The following GPR78 variants were observed in gnomAD, a reference collection of about 807,000 sequenced individuals.
GPR78 encodes the protein G protein-coupled receptor 78.
A neutral mutation model predicts 17.9 loss-of-function variants in GPR78; 29 were observed. The ratio of observed to expected loss-of-function variants is 1.62; its 90% CI spans 1.20 to 2.21. The LOEUF is 2.21. Among genes scored for constraint, GPR78 ranks in the 30% most tolerant of loss-of-function variants. GPR78 has a pLI of 0.00. For missense variants in GPR78, 649 were observed against 530.5 expected (o/e 1.22, Z -2.19); for synonymous variants, 349 against 256.9 (o/e 1.36, Z -3.43).
At position 8,582,513 on chromosome 4, in the gene GPR78, T is replaced by C; in HGVS notation, c.669-18T>C. ...CCCACCCTGCCATCATCCTGACCAC[T>C]GTCCTCTGTCCCCACAGTGTGCGGC... On this transcript the variant is annotated intron_variant, in intron 1 of 2. Transcript: ENST00000382487. The C allele has an allele frequency of 6.4e-7, 1 of 1,567,716 alleles. No individual in the cohort carries two copies.
Position 8,587,474 on chromosome 4 carries a change from G to A in GPR78, c.*111G>A. ...CCCCAGACACCAGTGGCTTGACTTT[G>A]AGCTAAGGCTGAAGTACAGGAGGAG... On this transcript the variant is annotated 3_prime_UTR_variant, in exon 3 of 3. Coordinates refer to ENST00000382487, the MANE Select transcript of GPR78 (RefSeq NM_080819.5). 3 of 1,065,326 alleles carry A rather than the reference G, an allele frequency of 2.8e-6. No homozygotes were observed. Among genetic ancestry groups the A allele is most frequent in the South Asian group, 3.1e-5 (2 of 63,552 alleles). 66.0% of individuals were successfully genotyped at this position (1,065,326 alleles called of 1,614,324 possible). A position where few individuals can be genotyped will look rare whatever the true frequency, so the allele number is the denominator to read the frequency against.
rs975173785 is a variant in GPR78, at chr4:8,589,821, G to T, written c.*2458G>T. Among the ~76,000 whole-genome samples the T allele has an allele frequency of 1.3e-5, 2 of 152,036 alleles. No homozygotes were observed. The highest frequency in any genetic ancestry group is 2.4e-5 in the African/African-American group (1 of 41,390). Reference sequence around the variant, plus strand: ...CTCGGCAGCTCCATGGAATGTTCTGGAGCAGGCATCTTAGGGCATTCCCTC... The same window carrying T: ...CTCGGCAGCTCCATGGAATGTTCTGTAGCAGGCATCTTAGGGCATTCCCTC... On this transcript the variant is annotated 3_prime_UTR_variant, in exon 3 of 3. Transcript: ENST00000382487.
Position 8,581,314 on chromosome 4 carries a change from C to CACTGCGCTACGCCGGACGCCTGCG in GPR78, c.335_358dup (p.Leu112_Arg119dup). ...GACCAGTGGCTGGCAGTGGGCTTCC[C>CACTGCGCTACGCCGGACGCCTGCG]ACTGCGCTACGCCGGACGCCTGCGA... On this transcript the variant is annotated inframe_insertion, in exon 1 of 3. Coordinates refer to ENST00000382487, the MANE Select transcript of GPR78 (RefSeq NM_080819.5). The CACTGCGCTACGCCGGACGCCTGCG allele has an allele frequency of 6.3e-7, 1 of 1,582,846 alleles. No homozygotes were observed. Among genetic ancestry groups the CACTGCGCTACGCCGGACGCCTGCG allele is most frequent in the Non-Finnish European group, 8.5e-7 (1 of 1,171,222 alleles).
At chr4:8,585,560 T>C (rs560035514) in intron 2 of GPR78, among the ~76,000 whole-genome samples, 95 of 152,322 alleles carry the variant, frequency 6.2e-4, no homozygotes, top group African/African-American at 2.2e-3. Context: ...GTGTACCTGA[T>C]GTGCATGTGC....
At position 8,589,705 on chromosome 4, in the gene GPR78, G is replaced by A. The variant is rs1056226850; in HGVS notation, c.*2342G>A. On this transcript the variant is annotated 3_prime_UTR_variant, in exon 3 of 3. Coordinates refer to ENST00000382487, the MANE Select transcript of GPR78 (RefSeq NM_080819.5). ...ACTTTAGAGCCACTCAAGGAAACGC[G>A]TGCACCCTGCCCTGCTGGAAGGCAC... Among the ~76,000 whole-genome samples, 6 of 152,288 alleles carry A rather than the reference G, an allele frequency of 3.9e-5. 1 individual carries two copies. The highest frequency in any genetic ancestry group is 4.8e-5 in the African/African-American group (2 of 41,550).
intron 2 of GPR78, chr4:8,582,950 C>T (rs1713358707): frequency 4.0e-6 from 1 of 248,066 alleles, no homozygotes; most frequent in Non-Finnish European, 7.7e-6. Context: ...AATCAGGCAA[C>T]CTGGGACTAA....
intron 1 of GPR78, 121 bp downstream of exon 1, chr4:8,581,771 C>A (rs920786592): frequency 1.4e-6 from 1 of 713,742 alleles, no homozygotes; most frequent in Non-Finnish European, 2.2e-6. Flanking sequence ...CCAGCCACAG[C>A]ACTGCCCCTG....
At chr4:8,582,047 C>T (rs1713315535) in intron 1 of GPR78, among the ~76,000 whole-genome samples, 1 of 152,164 alleles carries the variant, frequency 6.6e-6, no homozygotes, top group African/African-American at 2.4e-5. Context: ...TGAGCAGGGT[C>T]CATCCCCCAT....
Position 8,580,734 on chromosome 4 carries a change from C to A in GPR78, c.-249C>A. ...GCGCATTCAGCACCCTGGACAGCAC[C>A]GCGGTTGCGCTGCCTCCAGGGCGGC... On this transcript the variant is annotated 5_prime_UTR_variant, in exon 1 of 3. Coordinates refer to ENST00000382487, the MANE Select transcript of GPR78 (RefSeq NM_080819.5). 3.6e-6 allele frequency: 2 copies of A among 550,138 alleles called. No individual in the cohort carries two copies. Among genetic ancestry groups the A allele is most frequent in the Non-Finnish European group, 6.3e-6 (2 of 316,130 alleles). The allele number at this position is 550,138 out of a possible 1,614,324, so 34.1% of individuals were successfully genotyped here. A position where few individuals can be genotyped will look rare whatever the true frequency, so the allele number is the denominator to read the frequency against.
chr4:8,587,023 G>A (rs1264142975), intron 2 of GPR78, 31 bp from the exon 3 acceptor site: 3 of 1,597,254 alleles, frequency 1.9e-6, no homozygotes, highest in Non-Finnish European at 2.6e-6. Flanking sequence ...CTGTCACTGT[G>A]GCTGAGTTAG....
chr4:8,584,275 C>T (rs1304357495), intron 2 of GPR78, among the ~76,000 whole-genome samples: 12 of 152,158 alleles, frequency 7.9e-5, no homozygotes, highest in Admixed American at 7.9e-4. Flanking sequence ...GTTTACAATG[C>T]CCTGAACATG....
At position 8,587,464 on chromosome 4, in the gene GPR78, G is replaced by C; in HGVS notation, c.*101G>C. 1.7e-6 allele frequency: 2 copies of C among 1,194,396 alleles called. No homozygotes were observed. The highest frequency in any genetic ancestry group is 2.3e-5 in the Admixed American group (1 of 43,056). 74.0% of individuals were successfully genotyped at this position (1,194,396 alleles called of 1,614,324 possible). On this transcript the variant is annotated 3_prime_UTR_variant, in exon 3 of 3. Coordinates refer to ENST00000382487, the MANE Select transcript of GPR78 (RefSeq NM_080819.5). ...CACTGGGGACCCCCAGACACCAGTG[G>C]CTTGACTTTGAGCTAAGGCTGAAGT...
rs914324894 is a variant in GPR78 at position 8,588,108 on chromosome 4, C to T, written c.*745C>T. 2.0e-5 allele frequency among the ~76,000 whole-genome samples: 3 copies of T among 152,226 alleles called. No homozygotes were observed. The highest frequency in any genetic ancestry group is 7.2e-5 in the African/African-American group (3 of 41,460). On this transcript the variant is annotated 3_prime_UTR_variant, in exon 3 of 3. Coordinates refer to ENST00000382487, the MANE Select transcript of GPR78 (RefSeq NM_080819.5). ...GGAGTCTGTGTGCTCAGAGCCTTTT[C>T]TGGTGAAGATATCATCAGAGCATGT...
In GPR78 at chr4:8,581,035, T is replaced by A. The variant is rs1713255473; in HGVS notation, c.53T>A (p.Val18Glu). The A allele has an allele frequency of 8.7e-6, 14 of 1,602,662 alleles. No homozygotes were observed. The highest frequency in any genetic ancestry group is 1.2e-5 in the Non-Finnish European group (14 of 1,176,866). ...GGTCTCCTGGTGATGGTACTGGCCG[T>A]GGCGCTGCTATCCAACGCACTGGTG... ...LAGLLVMVLA[V>E]ALLSNALVLL... The change falls in exon 1 of 3, where the codon GTG (valine) becomes GAG (glutamate). Residue 18 changes from valine (V) to glutamate (E), a missense_variant. Transcript: ENST00000382487.
chr4:8,582,589 A>G lies in GPR78; in HGVS notation c.727A>G (p.Ile243Val). ...KRRRHRATRK[I>V]GIAIATFLIC... Reference sequence around the variant, plus strand: ...GCGCCGCCACCGCGCCACCAGGAAGATTGGCATTGCTATTGCGACCTTCCT... The same window carrying G: ...GCGCCGCCACCGCGCCACCAGGAAGGTTGGCATTGCTATTGCGACCTTCCT... Residue 243 changes from isoleucine (I) to valine (V), a missense_variant, in exon 2 of 3, where the codon ATT becomes GTT. By Grantham distance (29) the Ile-to-Val change is conservative. Transcript: ENST00000382487. The G allele has an allele frequency of 1.9e-6, 3 of 1,613,426 alleles. No individual in the cohort carries two copies. The highest frequency in any genetic ancestry group is 2.5e-6 in the Non-Finnish European group (3 of 1,179,934).
chr4:8,584,763 A>G (rs1254998093), intron 2 of GPR78, among the ~76,000 whole-genome samples: 4 of 152,222 alleles, frequency 2.6e-5, no homozygotes, highest in Admixed American at 2.6e-4. Flanking sequence ...ATGAGGTTCT[A>G]ATGCAGTTGG....
In GPR78 at chr4:8,581,245, T is replaced by C. The variant is rs1304680018; in HGVS notation, c.263T>C (p.Phe88Ser). The C allele has an allele frequency of 7.5e-6, 12 of 1,594,130 alleles. No individual in the cohort carries two copies. The highest frequency in any genetic ancestry group is 1.0e-5 in the Non-Finnish European group (12 of 1,175,280). Residue 88 changes from phenylalanine (F) to serine (S), a missense_variant, in exon 1 of 3, where the codon TTC becomes TCC. Coordinates refer to ENST00000382487, the MANE Select transcript of GPR78 (RefSeq NM_080819.5). ...ACQVIGFLDTFLASNAALSVA... is the reference protein window; with the variant it reads ...ACQVIGFLDTSLASNAALSVA... ...CAAGTCATTGGCTTCCTGGACACCTTCCTGGCGTCCAACGCGGCGCTGAGC... is the reference window on the plus strand; with the variant it reads ...CAAGTCATTGGCTTCCTGGACACCTCCCTGGCGTCCAACGCGGCGCTGAGC...
Position 8,587,322 on chromosome 4 carries a change from G to C in GPR78, c.1051G>C (p.Val351Leu). The change falls in exon 3 of 3, where the codon GTG (valine) becomes CTG (leucine). Residue 351 changes from valine to leucine, a missense_variant. By Grantham distance (32) the Val-to-Leu change is conservative. Coordinates refer to ENST00000382487, the MANE Select transcript of GPR78 (RefSeq NM_080819.5). ...PRPASTHNGS[V>L]DTENDSCLQQ... is the part of the protein sequence containing the mutation. Reference sequence around the variant, plus strand: ...CCCAGCGTCCACCCACAACGGCTCTGTGGACACAGAGAATGATTCCTGCCT... The same window carrying C: ...CCCAGCGTCCACCCACAACGGCTCTCTGGACACAGAGAATGATTCCTGCCT... The C allele has an allele frequency of 6.2e-7, 1 of 1,612,892 alleles. No homozygotes were observed. The highest frequency in any genetic ancestry group is 8.5e-7 in the Non-Finnish European group (1 of 1,179,790).
In GPR78 at chr4:8,587,500, G is replaced by C; in HGVS notation, c.*137G>C. 3.5e-6 allele frequency: 3 copies of C among 846,108 alleles called. No individual in the cohort carries two copies. Among genetic ancestry groups the C allele is most frequent in the Non-Finnish European group, 5.5e-6 (3 of 546,828 alleles). The allele number at this position is 846,108 out of a possible 1,614,324, so 52.4% of individuals were successfully genotyped here. On this transcript the variant is annotated 3_prime_UTR_variant, in exon 3 of 3. Coordinates refer to ENST00000382487, the MANE Select transcript of GPR78 (RefSeq NM_080819.5). ...AGCTAAGGCTGAAGTACAGGAGGAG[G>C]AGGAGGAGAGGGCCGGATGTGGGTG...
Sources: allele counts gnomAD v4.1 joint callset (sites outside exome capture counted in the v4.1 genomes callset), GRCh38; gene constraint gnomAD v4.1.1; transcripts MANE v1.5; gene names NCBI Gene and HGNC (gene_info 2026-07-23, HGNC 2026-07-21).